LARP7: variants seen among roughly 807,000 people sequenced by gnomAD.
LARP7 encodes the protein La ribonucleoprotein 7, transcriptional regulator.
Under a neutral mutation model 69.3 loss-of-function variants are expected in LARP7, and 52 were observed. The observed-to-expected ratio is 0.75, with a 90% confidence interval of 0.60 to 0.95. The LOEUF (loss-of-function observed/expected upper bound fraction) is 0.95, where lower values mean the gene tolerates loss of function less well. Ranked by LOEUF, LARP7 falls within the 40% of genes least tolerant of loss-of-function variation. LARP7 has a pLI of 0.00. For synonymous variants in LARP7, 254 were observed against 215.9 expected, an observed-to-expected ratio of 1.18 and a Z score of -1.55; for missense variants, 733 against 673.0, an observed-to-expected ratio of 1.09 and a Z score of -0.99.
At chr4:112,650,741 T>G (rs1356685583) in intron 10 of LARP7, among the ~76,000 whole-genome samples, 159 bp downstream of exon 10, 1 of 152,200 alleles carries the variant, frequency 6.6e-6, no homozygotes, top group East Asian at 1.9e-4. Context: ...ACTCTTAGGT[T>G]TAATTTTGAA....
chr4:112,645,323 G>A (rs1021783158), intron 2 of LARP7, among the ~76,000 whole-genome samples: 3 of 152,116 alleles, frequency 2.0e-5, no homozygotes, highest in Non-Finnish European at 4.4e-5. Flanking sequence ...TTTATTTAGT[G>A]AATGACAATC....
intron 1 of LARP7, among the ~76,000 whole-genome samples, chr4:112,643,438 G>A (rs1020674347): frequency 1.3e-5 from 2 of 152,216 alleles, no homozygotes; most frequent in Admixed American, 1.3e-4. Flanking sequence ...TGCAAGGACT[G>A]TATGGCTGGA....
At chr4:112,654,186 GA>G in intron 12 of LARP7, 27 bp downstream of exon 12, 1 of 1,519,584 alleles carries the variant, frequency 6.6e-7, no homozygotes, top group Non-Finnish European at 9.1e-7. Flanking sequence ...TGTTTTTTTA[GA>G]CTAAACTTTC....
intron 1 of LARP7, among the ~76,000 whole-genome samples, chr4:112,642,684 A>T (rs765545965): frequency 1.3e-5 from 2 of 152,232 alleles, no homozygotes; most frequent in African/African-American, 4.8e-5. Flanking sequence ...CCATTTACCC[A>T]TATCTAGCAA....
chr4:112,655,845 T>G (rs1364077359), intron 12 of LARP7, among the ~76,000 whole-genome samples: 1 of 152,108 alleles, frequency 6.6e-6, no homozygotes, highest in Non-Finnish European at 1.5e-5. Context: ...CAGTAAAGTT[T>G]AGAAGTATAG....
In LARP7 at chr4:112,646,602, C is replaced by G; in HGVS notation, c.318C>G (p.Gly106=). The change falls in exon 4 of 13, where the codon GGC becomes GGG. Residue 106 remains glycine (G), a synonymous_variant. Coordinates refer to ENST00000344442, the MANE Select transcript of LARP7 (RefSeq NM_016648.4). ...CTATTTTAAAGCTTGATTTGGAAGGCACCAGAATCCGGAGGAAAAAACCTC... is the reference window on the plus strand; with the variant it reads ...CTATTTTAAAGCTTGATTTGGAAGGGACCAGAATCCGGAGGAAAAAACCTC... ...SSAVVELDLE[G]TRIRRKKPLG... 6.3e-7 allele frequency: 1 copy of G among 1,591,662 alleles called. No homozygotes were observed. The highest frequency in any genetic ancestry group is 8.6e-7 in the Non-Finnish European group (1 of 1,167,332).
At chr4:112,647,618 T>C (rs2048376248) in intron 7 of LARP7, 69 bp downstream of exon 7, 1 of 1,476,706 alleles carries the variant, frequency 6.8e-7, no homozygotes, top group Admixed American at 2.3e-5. Context: ...ATTAATTAGG[T>C]TTTAATTGGC....
At position 112,646,579 on chromosome 4, in the gene LARP7, A is replaced by C. The variant is rs1043643484; in HGVS notation, c.304-9A>C. The stretch of plus-strand genomic sequence containing the variant: ...ATTAGTTTTATTAATGTAATATACT[A>C]TTTTAAAGCTTGATTTGGAAGGCAC... On this transcript the variant is annotated splice_polypyrimidine_tract_variant and intron_variant, in intron 3 of 12. Transcript: ENST00000344442. 1.3e-6 allele frequency: 2 copies of C among 1,524,994 alleles called. No individual in the cohort carries two copies. Among genetic ancestry groups the C allele is most frequent in the East Asian group, 2.4e-5 (1 of 41,704 alleles). The allele number at this position is 1,524,994 out of a possible 1,614,324, so 94.5% of individuals were successfully genotyped here. A position where few individuals can be genotyped will look rare whatever the true frequency, so the allele number is the denominator to read the frequency against.
At chr4:112,647,595 T>A (rs1578596894) in intron 7 of LARP7, 46 bp downstream of exon 7, 1 of 1,468,698 alleles carries the variant, frequency 6.8e-7, no homozygotes, top group African/African-American at 1.4e-5. Context: ...TAATTTTAAT[T>A]AATTAGTTTT....
intron 2 of LARP7, among the ~76,000 whole-genome samples, chr4:112,645,300 A>G (rs973553918): frequency 1.3e-5 from 2 of 152,090 alleles, no homozygotes; most frequent in Admixed American, 6.6e-5. Context: ...GTTCCGTGTA[A>G]TCTGTTCTAA....
intron 2 of LARP7, chr4:112,645,626 G>T (rs1171809117): frequency 2.4e-6 from 1 of 421,088 alleles, no homozygotes; most frequent in Non-Finnish European, 4.6e-6. Flanking sequence ...CCACCCAAGC[G>T]ATCCTCCATC....
At position 112,644,845 on chromosome 4, in the gene LARP7, A is replaced by G. The variant is rs1248178105; in HGVS notation, c.176A>G (p.Glu59Gly). Reference sequence around the variant, plus strand: ...CTTCACAAGGATAGATTTCTTCGAGAACAGATAGAAAAATCTAGAGATGGA... The same window carrying G: ...CTTCACAAGGATAGATTTCTTCGAGGACAGATAGAAAAATCTAGAGATGGA... ...ANLHKDRFLR[E>G]QIEKSRDGYV... The change falls in exon 2 of 13, where the codon GAA (glutamate) becomes GGA (glycine). Residue 59 changes from glutamate to glycine, a missense_variant. Glu to Gly is a moderately conservative substitution (Grantham distance 98). Transcript: ENST00000344442. The G allele has an allele frequency of 6.3e-7, 1 of 1,589,308 alleles. No individual in the cohort carries two copies. Among genetic ancestry groups the G allele is most frequent in the Non-Finnish European group, 8.6e-7 (1 of 1,165,810 alleles).
intron 7 of LARP7, 28 bp downstream of exon 7, chr4:112,647,577 A>T (rs1337876655): frequency 6.7e-7 from 1 of 1,501,750 alleles, no homozygotes; most frequent in Admixed American, 2.2e-5. Flanking sequence ...TAATTAGATA[A>T]AACTAATTAA....
intron 10 of LARP7, among the ~76,000 whole-genome samples, chr4:112,652,358 T>C (rs1460105627): frequency 6.9e-6 from 1 of 144,562 alleles, no homozygotes; most frequent in African/African-American, 2.5e-5. Flanking sequence ...AGTTGATGAA[T>C]TAGGAATTAG....
At chr4:112,648,044 A>G in intron 8 of LARP7, 1 of 654,872 alleles carries the variant, frequency 1.5e-6, no homozygotes. Context: ...GTCATGTCAC[A>G]GCAAGTGCCT....
intron 2 of LARP7, chr4:112,645,755 CAA>C: frequency 2.7e-6 from 1 of 368,990 alleles, no homozygotes; most frequent in South Asian, 2.0e-5. Flanking sequence ...CTCCTGAGCT[CAA>C]GAGATTTACC....
intron 8 of LARP7, chr4:112,648,201 A>G (rs1445937850): frequency 1.9e-6 from 1 of 532,778 alleles, no homozygotes; most frequent in South Asian, 1.4e-5. Flanking sequence ...AAAACATGGA[A>G]GCACTTACTT....
At chr4:112,648,042 A>G (rs1346007220) in intron 8 of LARP7, 2 of 656,490 alleles carry the variant, frequency 3.0e-6, no homozygotes, top group Non-Finnish European at 5.9e-6. Context: ...TTGTCATGTC[A>G]CAGCAAGTGC....
At chr4:112,643,401 A>G (rs1466109756) in intron 1 of LARP7, among the ~76,000 whole-genome samples, 1 of 152,246 alleles carries the variant, frequency 6.6e-6, no homozygotes, top group Non-Finnish European at 1.5e-5. Flanking sequence ...AGACCCCGTT[A>G]GACATTGCTG....
Sources: gnomAD v4.1 joint callset for allele counts (sites outside exome capture counted in the v4.1 genomes callset) on GRCh38, gnomAD v4.1.1 for gene constraint, MANE v1.5 for transcripts, NCBI Gene and HGNC (gene_info 2026-07-23, HGNC 2026-07-21) for gene names.